The following SLFN12 variants were observed in gnomAD, a reference collection of about 807,000 sequenced individuals.
SLFN12 encodes schlafen family member 12.
In SLFN12, 25 loss-of-function variants were observed where a neutral mutation model predicts 29.1. The observed-to-expected ratio is 0.86, with a 90% CI of 0.63 to 1.20. The LOEUF (loss-of-function observed/expected upper bound fraction) is 1.20. SLFN12 is among the 50% of genes most tolerant of loss of function. The probability of loss-of-function intolerance (pLI) is 0.00; values close to 1 mark genes in which losing one functional copy is unlikely to be tolerated. For missense variants in SLFN12, 660 were observed against 666.2 expected (o/e 0.99, Z 0.10); for synonymous variants, 257 against 238.7 (o/e 1.08, Z -0.71).
In SLFN12 at chr17:35,421,643, G is replaced by A. The variant is rs1911658982; in HGVS notation, c.1039+347C>T. 2.1e-5 allele frequency among the ~76,000 whole-genome samples: 3 copies of A among 145,336 alleles called. No homozygotes were observed. In the Admixed American group the frequency reaches 2.1e-4, roughly 10 times the overall value. ...CAACCTCCGCCACCTGGCTTCAACC[G>A]ATTCTCCTGCCTCAGCCTCCTGAGT... On this transcript the variant is annotated intron_variant, in intron 2 of 3. Transcript: ENST00000304905.
intron 1 of SLFN12, among the ~76,000 whole-genome samples, chr17:35,423,365 T>G (rs560028973): frequency 6.6e-6 from 1 of 152,258 alleles, no homozygotes; most frequent in African/African-American, 2.4e-5. Context: ...CTCTCTCCTT[T>G]TCTTAAACAA....
At chr17:35,413,028 G>A (rs182122947) in intron 3 of SLFN12, among the ~76,000 whole-genome samples, 1 of 149,872 alleles carries the variant, frequency 6.7e-6, no homozygotes, top group African/African-American at 2.5e-5. Flanking sequence ...CTAGTCAATA[G>A]GAAGACAGGA....
intron 3 of SLFN12, among the ~76,000 whole-genome samples, chr17:35,414,333 T>G (rs1301454736): frequency 1.3e-5 from 2 of 151,938 alleles, no homozygotes; most frequent in South Asian, 2.1e-4. Flanking sequence ...CAAATTATCC[T>G]ATAAAGAAAT....
intron 1 of SLFN12, among the ~76,000 whole-genome samples, chr17:35,429,680 T>C (rs1185743120): frequency 6.6e-6 from 1 of 152,062 alleles, no homozygotes; most frequent in Non-Finnish European, 1.5e-5. Context: ...GGACAGAAGT[T>C]GTAAGAGCTA....
intron 1 of SLFN12, among the ~76,000 whole-genome samples, chr17:35,429,456 C>T (rs990800820): frequency 6.6e-6 from 1 of 152,150 alleles, no homozygotes; most frequent in African/African-American, 2.4e-5. Context: ...GGGCCTAAAA[C>T]TTACTGGCCT....
At position 35,420,291 on chromosome 17, in the gene SLFN12, T is replaced by G. The variant is rs1323571445; in HGVS notation, c.1130A>C (p.Gln377Pro). The part of the protein sequence containing the change: ...HSWPLLEWQR[Q>P]RHHCPGLSGR... ...GAAATTACCTGGACAGTGATGTCTC[T>G]GCCGTTGCCATTCCAAAAGAGGCCA... Residue 377 changes from glutamine to proline, a missense_variant, in exon 3 of 4, where the codon CAG (glutamine) becomes CCG (proline). Physicochemically the swap from Gln to Pro is moderately conservative, Grantham distance 76. Transcript: ENST00000304905. 1.2e-6 allele frequency: 2 copies of G among 1,612,636 alleles called. No homozygotes were observed. Among genetic ancestry groups the G allele is most frequent in the Non-Finnish European group, 1.7e-6 (2 of 1,178,790 alleles).
chr17:35,421,934 A>G, intron 2 of SLFN12, 56 bp downstream of exon 2: 1 of 1,571,118 alleles, frequency 6.4e-7, no homozygotes, highest in South Asian at 1.2e-5. Context: ...CCATAGAGAA[A>G]ACCTCCCTGC....
chr17:35,416,006 G>A (rs1911290590), intron 3 of SLFN12, among the ~76,000 whole-genome samples: 1 of 152,138 alleles, frequency 6.6e-6, no homozygotes, highest in African/African-American at 2.4e-5. Flanking sequence ...CCACTACTGG[G>A]TATCTACTGA....
rs1257109510 is a variant in SLFN12 at position 35,411,923 on chromosome 17, T to G, written c.1152A>C (p.Leu384=). The G allele has an allele frequency of 6.4e-7, 1 of 1,565,066 alleles. No individual in the cohort carries two copies. Among genetic ancestry groups the G allele is most frequent in the Non-Finnish European group, 8.6e-7 (1 of 1,159,572 alleles). The change falls in exon 4 of 4, where the codon CTA becomes CTC. Residue 384 remains leucine (L), a synonymous_variant. Coordinates refer to ENST00000304905, the MANE Select transcript of SLFN12 (RefSeq NM_018042.5). Reference sequence around the variant, plus strand: ...CTGGAGTATACGTTATCCTTCCTGATAGCCCTGAATAAGGAAATAATAATA... The same window carrying G: ...CTGGAGTATACGTTATCCTTCCTGAGAGCCCTGAATAAGGAAATAATAATA... ...WQRQRHHCPG[L]SGRITYTPEN...
At chr17:35,426,772 G>GA (rs889436155) in intron 1 of SLFN12, among the ~76,000 whole-genome samples, 1 of 152,080 alleles carries the variant, frequency 6.6e-6, no homozygotes, top group African/African-American at 2.4e-5. Context: ...TCAGCTCAAG[G>GA]AAAAAGCTTA....
chr17:35,422,742 A>G lies in SLFN12; in HGVS notation c.287T>C (p.Phe96Ser), dbSNP rs759154364. 3.7e-6 allele frequency: 6 copies of G among 1,614,124 alleles called. No homozygotes were observed. In the South Asian group the frequency reaches 6.6e-5, roughly 18 times the overall value. The change falls in exon 2 of 4, where the codon TTC becomes TCC. Residue 96 changes from phenylalanine to serine, a missense_variant. Coordinates refer to ENST00000304905, the MANE Select transcript of SLFN12 (RefSeq NM_018042.5). ...ILLFVPEYLD[F>S]MQNGNYFLIF... ...CAGAAAGTAGTTACCATTCTGCATG[A>G]AGTCTAAGTACTCAGGAACAAATAA...
chr17:35,426,480 T>A (rs1312689029), intron 1 of SLFN12, among the ~76,000 whole-genome samples: 1 of 152,116 alleles, frequency 6.6e-6, no homozygotes, highest in Non-Finnish European at 1.5e-5. Flanking sequence ...GTATTTGGTG[T>A]GAGATGAGGG....
At chr17:35,424,453 T>C (rs1030105157) in intron 1 of SLFN12, among the ~76,000 whole-genome samples, 2 of 151,768 alleles carry the variant, frequency 1.3e-5, no homozygotes, top group Non-Finnish European at 2.9e-5. Context: ...AGTTAAGAAG[T>C]GTGACTTAAG....
intron 1 of SLFN12, among the ~76,000 whole-genome samples, chr17:35,427,931 A>G (rs1912102505): frequency 6.6e-6 from 1 of 152,142 alleles, no homozygotes; most frequent in African/African-American, 2.4e-5. Flanking sequence ...AAGATGGTTA[A>G]ATCGAGTATG....
intron 2 of SLFN12, among the ~76,000 whole-genome samples, chr17:35,421,693 T>G (rs757975062): frequency 2.0e-5 from 3 of 151,738 alleles, no homozygotes; most frequent in African/African-American, 7.3e-5. Context: ...GCACGTGCCA[T>G]CACACCCAGC....
rs1170549869 is a variant in SLFN12, at chr17:35,420,359, C to G, written c.1062G>C (p.Glu354Asp). 1.9e-6 allele frequency: 3 copies of G among 1,613,112 alleles called. No individual in the cohort carries two copies. Among genetic ancestry groups the G allele is most frequent in the African/African-American group, 1.3e-5 (1 of 74,892 alleles). Residue 354 changes from glutamate to aspartate, a missense_variant, in exon 3 of 4, where the codon GAG becomes GAC. Physicochemically the swap from Glu to Asp is conservative, Grantham distance 45. Coordinates refer to ENST00000304905, the MANE Select transcript of SLFN12 (RefSeq NM_018042.5). ...ATGACGTATTTATTTGAGAGATCAC[C>G]TCTTCATATGAACTGGAAAATTCTT... ...AEPKFSSSYEEVISQINTSLP... is the reference protein window; with the variant it reads ...AEPKFSSSYEDVISQINTSLP...
Position 35,422,725 on chromosome 17 carries a change from A to C in SLFN12, c.304T>G (p.Tyr102Asp). Residue 102 changes from tyrosine to aspartate, a missense_variant, in exon 2 of 4, where the codon TAC becomes GAC. By Grantham distance (160) the Tyr-to-Asp change is radical. Transcript: ENST00000304905. ...EYLDFMQNGN[Y>D]FLIFVKSWSL... ...CATGACTTCACAAAAATCAGAAAGT[A>C]GTTACCATTCTGCATGAAGTCTAAG... 1 of 1,614,130 alleles carries C rather than the reference A, an allele frequency of 6.2e-7. No individual in the cohort carries two copies. Among genetic ancestry groups the C allele is most frequent in the East Asian group, 2.2e-5 (1 of 44,890 alleles).
chr17:35,428,559 C>T (rs1441436400), intron 1 of SLFN12, among the ~76,000 whole-genome samples: 1 of 152,074 alleles, frequency 6.6e-6, no homozygotes, highest in East Asian at 1.9e-4. Context: ...CAAAGAGAGG[C>T]TGCCTTCTAA....
chr17:35,431,761 C>T (rs1912330243), intron 1 of SLFN12: 1 of 152,108 alleles, frequency 6.6e-6, no homozygotes, highest in Non-Finnish European at 1.5e-5. Context: ...TCCCATTCCA[C>T]TAGAGTGATA....
Sources: allele counts gnomAD v4.1 joint callset (sites outside exome capture counted in the v4.1 genomes callset), GRCh38; gene constraint gnomAD v4.1.1; transcripts MANE v1.5; gene names NCBI Gene and HGNC (gene_info 2026-07-23, HGNC 2026-07-21).